Variants in ZBED6 observed in about 807,000 individuals in gnomAD.
ZBED6 encodes zinc finger BED domain-containing protein 6.
ZBED6 carries 40 observed loss-of-function variants against 58.4 expected under a neutral mutation model. The ratio of observed to expected loss-of-function variants is 0.68; its 90% CI spans 0.53 to 0.89. ZBED6 has a LOEUF of 0.89. Ranked by LOEUF, ZBED6 falls within the 40% of genes least tolerant of loss-of-function variation. The pLI, the probability that ZBED6 is intolerant of heterozygous loss-of-function variation, is 0.00. For missense variants in ZBED6, 1,057 were observed against 1,003.9 expected (o/e 1.05, Z -0.71); for synonymous variants, 439 against 350.6 (o/e 1.25, Z -2.82).
intron 11 of ZBED6, 23 bp downstream of exon 11, chr1:203,840,397 T>C: frequency 6.2e-7 from 1 of 1,601,870 alleles, no homozygotes; most frequent in Non-Finnish European, 8.5e-7. Context: ...TAAGACCAGA[T>C]TCTGATTATT....
rs2102366957 is a variant in ZBED6, at chr1:203,798,400, G to GC, written c.880dup (p.Arg294ProfsTer3). 2 of 1,533,592 alleles carry GC rather than the reference G, an allele frequency of 1.3e-6. No individual in the cohort carries two copies. Among genetic ancestry groups the GC allele is most frequent in the Non-Finnish European group, 1.7e-6 (2 of 1,144,614 alleles). The allele number at this position is 1,533,592 out of a possible 1,614,324, so 95.0% of individuals were successfully genotyped here. A position where few individuals can be genotyped will look rare whatever the true frequency, so the allele number is the denominator to read the frequency against. On this transcript the variant is annotated frameshift_variant, in exon 1 of 17. Coordinates refer to ENST00000550078, the Ensembl canonical transcript of ZBED6. LOFTEE classifies it high-confidence loss of function. ...TGTAATATATGTAAAAGAAGTGTGA[G>GC]CCGGGGTAGGCCAGGGTCCCACTTA...
At chr1:203,848,460 A>G in intron 13 of ZBED6, 53 bp downstream of exon 13, 2 of 1,406,376 alleles carry the variant, frequency 1.4e-6, no homozygotes, top group Non-Finnish European at 2.0e-6. Context: ...AGGCTAGATA[A>G]TTGGTAGTTT....
exon 1 of ZBED6, chr1:203,798,186 C>T (rs754907357): frequency 3.3e-6 from 5 of 1,536,060 alleles, no homozygotes; most frequent in Non-Finnish European, 4.4e-6. Context: ...TCCTACTGAT[C>T]CATTAGATGA....
chr1:203,818,811 TG>T, intron 3 of ZBED6, 122 bp downstream of exon 3: 1 of 1,453,144 alleles, frequency 6.9e-7, no homozygotes, highest in Non-Finnish European at 9.2e-7. Flanking sequence ...GGCTCATGCC[TG>T]TAGTTCCAGC....
exon 1 of ZBED6, chr1:203,798,108 G>C: frequency 1.3e-6 from 2 of 1,535,736 alleles, no homozygotes; most frequent in Non-Finnish European, 1.7e-6. Context: ...TGCTAGTGGA[G>C]AGGAGGACTT....
At chr1:203,797,639 A>G (rs1276831752) in exon 1 of ZBED6, 3 of 1,536,070 alleles carry the variant, frequency 2.0e-6, no homozygotes, top group Non-Finnish European at 2.6e-6. Context: ...ATACAGATGA[A>G]GAAGATGTGG....
Position 203,851,082 on chromosome 1 carries a change from A to T in ZBED6, c.*4831A>T, listed in dbSNP as rs1572384216. 1.9e-6 allele frequency: 3 copies of T among 1,614,190 alleles called. No individual in the cohort carries two copies. The highest frequency in any genetic ancestry group is 2.5e-6 in the Non-Finnish European group (3 of 1,180,020). ...GCTGTTGTCCCGCTTGTCTCTGAGGACAAATCAGTCACTGTGCCTGAAGCA... is the reference window on the plus strand; with the variant it reads ...GCTGTTGTCCCGCTTGTCTCTGAGGTCAAATCAGTCACTGTGCCTGAAGCA... On this transcript the variant is annotated 3_prime_UTR_variant, in exon 16 of 17. Transcript: ENST00000550078.
Position 203,797,581 on chromosome 1 carries a change from A to G in ZBED6, c.59A>G (p.Asn20Ser), listed in dbSNP as rs1668979513. ...TCACTCTCTCCTGGCAGAAGATGCAACACTTTTAGTGATTCTGGGATTCTG... is the reference window on the plus strand; with the variant it reads ...TCACTCTCTCCTGGCAGAAGATGCAGCACTTTTAGTGATTCTGGGATTCTG... Residue 20 changes from asparagine (N) to serine (S), a missense_variant, in exon 1 of 17, where the codon AAC becomes AGC. Physicochemically the swap from Asn to Ser is conservative, Grantham distance 46 (BLOSUM62 1). Transcript: ENST00000550078. 3 of 1,533,352 alleles carry G rather than the reference A, an allele frequency of 2.0e-6. No individual in the cohort carries two copies. Among genetic ancestry groups the G allele is most frequent in the Non-Finnish European group, 2.6e-6 (3 of 1,146,242 alleles). The allele number at this position is 1,533,352 out of a possible 1,614,324, so 95.0% of individuals were successfully genotyped here.
chr1:203,851,046 T>TC lies in ZBED6; in HGVS notation c.*4806-9dup. The TC allele has an allele frequency of 3.1e-6, 5 of 1,613,776 alleles. No individual in the cohort carries two copies. The highest frequency in any genetic ancestry group is 4.2e-6 in the Non-Finnish European group (5 of 1,179,932). ...GACTCTCACTGAATTACCTGACTCT[T>TC]CCTTTTGTAGGCTGTTGTCCCGCTT... On this transcript the variant is annotated splice_polypyrimidine_tract_variant and intron_variant, in intron 15 of 16. Transcript: ENST00000550078.
chr1:203,846,162 G>GC (rs1687859647), intron 11 of ZBED6, among the ~76,000 whole-genome samples: 1 of 142,866 alleles, frequency 7.0e-6, no homozygotes. Flanking sequence ...AATTTTTTTG[G>GC]GGGGGGGGTT....
intron 12 of ZBED6, 120 bp downstream of exon 12, chr1:203,847,807 A>G: frequency 2.1e-6 from 3 of 1,414,840 alleles, no homozygotes; most frequent in Non-Finnish European, 2.9e-6. Flanking sequence ...CGTTGAAAAC[A>G]CTGAATTAAA....
At chr1:203,847,416 C>T in exon 12 of ZBED6, 2 of 1,613,620 alleles carry the variant, frequency 1.2e-6, no homozygotes, top group Non-Finnish European at 1.7e-6. Context: ...GACAAAAAAG[C>T]AAAAAGGATA....
intron 1 of ZBED6, among the ~76,000 whole-genome samples, chr1:203,806,489 G>T (rs996253501): frequency 1.4e-4 from 21 of 152,092 alleles, no homozygotes; most frequent in Non-Finnish European, 2.5e-4. Flanking sequence ...TTTTAATAGA[G>T]ATTAGGTTTC....
rs1470749307 is a variant in ZBED6 at position 203,800,022 on chromosome 1, A to C, written c.2500A>C (p.Lys834Gln). The change falls in exon 1 of 17, where the codon AAA becomes CAA. Residue 834 changes from lysine to glutamine, a missense_variant. Transcript: ENST00000550078. The stretch of plus-strand genomic sequence containing the variant: ...AGCTGATTCATTTACCTCATCTCTA[A>C]AAGAAGGCACCTCCAGTTCAGGTTC... The C allele has an allele frequency of 1.8e-5, 27 of 1,535,960 alleles. 1 individual carries two copies. In the South Asian group the frequency reaches 2.4e-4, roughly 14 times the overall value.
intron 4 of ZBED6, among the ~76,000 whole-genome samples, chr1:203,828,959 C>A (rs1681412208): frequency 6.6e-6 from 1 of 152,154 alleles, no homozygotes; most frequent in Admixed American, 6.5e-5. Context: ...TCCCAAAGTT[C>A]ATTTTAAAGT....
At chr1:203,847,663 C>G in exon 12 of ZBED6, 1 of 1,612,398 alleles carries the variant, frequency 6.2e-7, no homozygotes, top group Non-Finnish European at 8.5e-7. Context: ...GGCAAGGCGG[C>G]TGCTGCGAAT....
chr1:203,836,638 T>G (rs1371092011), intron 9 of ZBED6, among the ~76,000 whole-genome samples: 6 of 152,148 alleles, frequency 3.9e-5, no homozygotes, highest in Non-Finnish European at 5.9e-5. Flanking sequence ...CAGCCAGGCA[T>G]GGTGGCATGC....
chr1:203,810,621 G>A (rs1674114575), intron 1 of ZBED6, among the ~76,000 whole-genome samples: 2 of 151,884 alleles, frequency 1.3e-5, no homozygotes, highest in Non-Finnish European at 2.9e-5. Flanking sequence ...GGGTTTCACA[G>A]TGTCAGCCAG....
chr1:203,828,107 C>A (rs760301314), intron 3 of ZBED6, among the ~76,000 whole-genome samples, 192 bp from the exon 4 acceptor site: 40 of 152,182 alleles, frequency 2.6e-4, no homozygotes, highest in Non-Finnish European at 5.4e-4. Context: ...AAACTACTCT[C>A]CTGCTCCATT....
Sources: allele counts gnomAD v4.1 joint callset (sites outside exome capture counted in the v4.1 genomes callset), GRCh38; gene constraint gnomAD v4.1.1; transcripts MANE v1.5; gene names NCBI Gene and HGNC (gene_info 2026-07-23, HGNC 2026-07-21).